Variants in ERAP1 observed in about 807,000 individuals in gnomAD.
The protein encoded by ERAP1 is adipocyte-derived leucine aminopeptidase.
ERAP1 carries 86 observed loss-of-function variants against 103.7 expected under a neutral mutation model. The observed-to-expected ratio is 0.83, with a 90% CI of 0.70 to 0.99. The LOEUF is 0.99. Among genes scored for constraint, ERAP1 ranks in the 50% least tolerant of loss-of-function variants. The pLI, the probability that ERAP1 is intolerant of heterozygous loss-of-function variation, is 0.00. For missense variants in ERAP1, 1,009 were observed against 1,128.4 expected, an observed-to-expected ratio of 0.89 and a Z score of 1.52; for synonymous variants, 398 against 402.4, an observed-to-expected ratio of 0.99 and a Z score of 0.13.
chr5:96,798,118 G>A (rs1777548913), intron 3 of ERAP1, among the ~76,000 whole-genome samples: 1 of 152,078 alleles, frequency 6.6e-6, no homozygotes, highest in South Asian at 2.1e-4. Flanking sequence ...AAGGTAAGGA[G>A]ATTGAGACCA....
chr5:96,796,800 CTT>C (rs952324242), intron 4 of ERAP1, among the ~76,000 whole-genome samples: 2 of 152,166 alleles, frequency 1.3e-5, no homozygotes, highest in Admixed American at 6.5e-5. Flanking sequence ...TTGGTTTTGT[CTT>C]TGTTTGTTTG....
rs1457780790 is a variant in ERAP1, at chr5:96,790,363, C to T, written c.1457G>A (p.Cys486Tyr). 1.9e-6 allele frequency: 3 copies of T among 1,613,862 alleles called. No homozygotes were observed. The highest frequency in any genetic ancestry group is 2.7e-5 in the African/African-American group (2 of 74,906). Residue 486 changes from cysteine to tyrosine, a missense_variant, in exon 10 of 19, where the codon TGC (cysteine) becomes TAC (tyrosine). Physicochemically the swap from Cys to Tyr is radical, Grantham distance 194 (BLOSUM62 -2). This residue lies in a region of ERAP1 where 611 missense variants were observed against 651.7 expected (regional missense o/e 0.94). Coordinates refer to ENST00000443439, the MANE Select transcript of ERAP1 (RefSeq NM_001040458.3). The part of the protein sequence containing the change: ...EDLWDSMASI[C>Y]PTDGVKGMDG... ...CATCCCTTTTACACCATCTGTAGGG[C>T]AAATCTAAAAACCAAAAATAAACAC...
the ERAP1 span, among the ~76,000 whole-genome samples, chr5:96,840,746 G>A: frequency 6.8e-5 from 10 of 148,026 alleles, no homozygotes; most frequent in Admixed American, 1.4e-4. Flanking sequence ...TCGCTTTGTC[G>A]CCATACTGGA....
At chr5:96,853,689 G>A in the ERAP1 span, among the ~76,000 whole-genome samples, 1 of 151,888 alleles carries the variant, frequency 6.6e-6, no homozygotes, top group Non-Finnish European at 1.5e-5. Flanking sequence ...TTGCACACAG[G>A]CCAGTGGCAG....
At chr5:96,784,675 T>A (rs1775754403) in intron 13 of ERAP1, 1 of 154,594 alleles carries the variant, frequency 6.5e-6, no homozygotes, top group South Asian at 2.0e-4. Context: ...AGTGGTGAAC[T>A]TCTAGAGTAA....
chr5:96,919,649 T>G, the ERAP1 span: 1 of 152,206 alleles, frequency 6.6e-6, no homozygotes, highest in Non-Finnish European at 1.5e-5. Context: ...GATGATAATA[T>G]GAGAATTACT....
chr5:96,814,872 G>C, the ERAP1 span, among the ~76,000 whole-genome samples: 1 of 152,180 alleles, frequency 6.6e-6, no homozygotes, highest in South Asian at 2.1e-4. Flanking sequence ...AGGTGTCCTT[G>C]GGACTAGGGG....
chr5:96,849,654 A>G, the ERAP1 span, among the ~76,000 whole-genome samples: 1 of 152,226 alleles, frequency 6.6e-6, no homozygotes, highest in African/African-American at 2.4e-5. Context: ...TGATTAGAAG[A>G]ATTAATATTG....
chr5:96,802,298 T>C lies in ERAP1; in HGVS notation c.524+1105A>G, dbSNP rs183433861. The stretch of plus-strand genomic sequence containing the variant: ...TTAATAAAATCATTAAAAAGATGTC[T>C]AGTAATAGTCATTTATATAAAACAT... On this transcript the variant is annotated intron_variant, in intron 2 of 18. Transcript: ENST00000443439. Among the ~76,000 whole-genome samples the C allele has an allele frequency of 3.3e-3, 501 of 152,212 alleles. 8 individuals are homozygous for C. The highest frequency in any genetic ancestry group is 0.022 in the South Asian group (108 of 4,826).
the ERAP1 span, among the ~76,000 whole-genome samples, chr5:96,872,538 C>T: frequency 7.2e-5 from 11 of 152,014 alleles, no homozygotes; most frequent in African/African-American, 2.7e-4. Context: ...GGTTGAGGCT[C>T]CAATAAGCTG....
the ERAP1 span, among the ~76,000 whole-genome samples, chr5:96,834,795 G>A: frequency 6.6e-6 from 1 of 152,154 alleles, no homozygotes; most frequent in Non-Finnish European, 1.5e-5. Flanking sequence ...AATCATAATT[G>A]CATGGTGTTT....
intron 10 of ERAP1, among the ~76,000 whole-genome samples, chr5:96,789,065 G>A (rs1776423371): frequency 6.6e-6 from 1 of 152,168 alleles, no homozygotes; most frequent in African/African-American, 2.4e-5. Context: ...AAGCAAGGTG[G>A]AAACAATGTT....
At chr5:96,826,195 G>A in the ERAP1 span, among the ~76,000 whole-genome samples, 1 of 152,140 alleles carries the variant, frequency 6.6e-6, no homozygotes, top group African/African-American at 2.4e-5. Flanking sequence ...TAAACTTGAT[G>A]TATGCTGTTA....
chr5:96,765,872 AT>A (rs1769760087), intron 19 of ERAP1, among the ~76,000 whole-genome samples: 1 of 152,232 alleles, frequency 6.6e-6, no homozygotes. Flanking sequence ...GGGATTTTAT[AT>A]TTTAGCCAAC....
the ERAP1 span, among the ~76,000 whole-genome samples, chr5:96,885,782 T>C: frequency 6.6e-6 from 1 of 152,180 alleles, no homozygotes; most frequent in Non-Finnish European, 1.5e-5. Flanking sequence ...CCATTCAGTA[T>C]TTGGGGGCAT....
Position 96,774,659 on chromosome 5 carries a change from T to G in ERAP1, c.*1737A>C. 1.0e-6 allele frequency: 1 copy of G among 983,922 alleles called. No individual in the cohort carries two copies. The highest frequency in any genetic ancestry group is 1.2e-6 in the Non-Finnish European group (1 of 828,462). The allele number at this position is 983,922 out of a possible 1,614,324, so 60.9% of individuals were successfully genotyped here. A position where few individuals can be genotyped will look rare whatever the true frequency, so the allele number is the denominator to read the frequency against. ...CATTAATCAAGGCATAAAATACAAT[T>G]AAAGCAAAATATTTTACATTAAAAT... On this transcript the variant is annotated 3_prime_UTR_variant, in exon 19 of 19. Transcript: ENST00000443439.
intron 3 of ERAP1, among the ~76,000 whole-genome samples, chr5:96,800,596 T>C (rs559240471): frequency 1.3e-5 from 2 of 152,228 alleles, no homozygotes; most frequent in Non-Finnish European, 2.9e-5. Context: ...CTGACCTGAA[T>C]TTCTTATACC....
the ERAP1 span, chr5:96,892,222 T>A: frequency 1.4e-6 from 2 of 1,417,544 alleles, no homozygotes; most frequent in Non-Finnish European, 2.0e-6. Flanking sequence ...AGGATCATAG[T>A]GTATTTGAGC....
the ERAP1 span, among the ~76,000 whole-genome samples, chr5:96,833,488 T>C: frequency 6.6e-6 from 1 of 152,248 alleles, no homozygotes; most frequent in Admixed American, 6.5e-5. Flanking sequence ...ATGAACTATT[T>C]TGAAGGACAT....
Sources: gnomAD v4.1 joint callset for allele counts (sites outside exome capture counted in the v4.1 genomes callset) on GRCh38, gnomAD v4.1.1 for gene constraint, gnomAD v4.1.1 regional missense constraint, MANE v1.5 for transcripts, NCBI Gene and HGNC (gene_info 2026-07-23, HGNC 2026-07-21) for gene names.